Variants in XG observed in about 807,000 individuals in gnomAD.
XG encodes the protein Xg glycoprotein (Xg blood group).
In XG, 24 loss-of-function variants were observed where a neutral mutation model predicts 25.7. The ratio of observed to expected loss-of-function variants is 0.93; its 90% CI spans 0.68 to 1.31. XG has a LOEUF of 1.31. XG is among the 40% of genes most tolerant of loss of function. The pLI is 0.00. For missense variants in XG, 181 were observed against 187.6 expected (o/e 0.96, Z 0.21); for synonymous variants, 77 against 69.2 (o/e 1.11, Z -0.56).
At chrX:2,769,019 G>T (rs931977292) in intron 1 of XG, among the ~76,000 whole-genome samples, 27 of 152,174 alleles carry the variant, frequency 1.8e-4, no homozygotes, top group African/African-American at 6.3e-4. Flanking sequence ...TGCACCCTGG[G>T]CTCAGAGTTC....
intron 6 of XG, among the ~76,000 whole-genome samples, chrX:2,795,657 GTATT>G (rs1569042636): frequency 1.9e-5 from 2 of 107,977 alleles, no homozygotes; most frequent in Admixed American, 2.0e-4. Flanking sequence ...CATATCTTTT[GTATT>G]TATTTATTTT....
intron 3 of XG, among the ~76,000 whole-genome samples, chrX:2,776,340 C>T (rs2050989517): frequency 6.6e-6 from 1 of 152,176 alleles, no homozygotes; most frequent in African/African-American, 2.4e-5. Context: ...GGAAAGTAAA[C>T]AGTTCCAGGT....
chrX:2,788,177 T>C (rs779788203), intron 4 of XG, among the ~76,000 whole-genome samples: 1 of 112,481 alleles, frequency 8.9e-6, no homozygotes, highest in African/African-American at 3.2e-5. Flanking sequence ...GAGACGTCTG[T>C]CCTGAGGAAG....
Position 2,752,306 on chromosome X carries a change from C to G in XG, c.32C>G (p.Ala11Gly). 1.2e-6 allele frequency: 2 copies of G among 1,613,712 alleles called. No individual in the cohort carries two copies. The highest frequency in any genetic ancestry group is 8.5e-7 in the Non-Finnish European group (1 of 1,179,834). ...AGCTGGTGGGGACTTCCCTGTCTTG[C>G]GTTCCTGTGTTTTCTAATGCACGCC... is the stretch of plus-strand genomic sequence containing the variant. MESWWGLPCL[A>G]FLCFLMHARG... Residue 11 changes from alanine (A) to glycine (G), a missense_variant, in exon 1 of 11, where the codon GCG becomes GGG. By Grantham distance (60) the Ala-to-Gly change is moderately conservative. Coordinates refer to ENST00000644266, the MANE Select transcript of XG (RefSeq NM_001141919.2).
At chrX:2,768,256 A>G (rs1420401492) in intron 1 of XG, among the ~76,000 whole-genome samples, 5 of 152,202 alleles carry the variant, frequency 3.3e-5, no homozygotes, top group African/African-American at 1.2e-4. Context: ...GGGCGGAGAC[A>G]TAACACAGTG....
intron 3 of XG, 118 bp downstream of exon 3, chrX:2,774,857 G>A (rs2050940631): frequency 1.5e-6 from 2 of 1,316,394 alleles, no homozygotes; most frequent in East Asian, 4.6e-5. Flanking sequence ...TGCAACAACT[G>A]TACCAGATAG....
chrX:2,759,049 CGTCT>C (rs2050501873), intron 1 of XG, among the ~76,000 whole-genome samples: 4 of 125,010 alleles, frequency 3.2e-5, no homozygotes, highest in East Asian at 2.2e-4. Context: ...TCTATCCATC[CGTCT>C]ATCAATCTAT....
At chrX:2,790,358 G>A (rs767003180) in intron 5 of XG, among the ~76,000 whole-genome samples, 14 of 109,887 alleles carry the variant, frequency 1.3e-4, no homozygotes, top group African/African-American at 4.3e-4. Context: ...AAAATTCGCC[G>A]GGCGTGGTGG....
intron 7 of XG, among the ~76,000 whole-genome samples, 154 bp downstream of exon 7, chrX:2,797,514 G>A (rs764487535): frequency 2.8e-5 from 3 of 108,968 alleles, no homozygotes; most frequent in South Asian, 4.0e-4. Flanking sequence ...GAACCTGTCT[G>A]TGCTGGGCTG....
Position 2,782,086 on chromosome X carries a change from C to T in XG, c.148C>T (p.Pro50Ser), listed in dbSNP as rs1330450342. 2.5e-6 allele frequency: 3 copies of T among 1,210,079 alleles called. No individual in the cohort carries two copies. The highest frequency in any genetic ancestry group is 3.4e-6 in the Non-Finnish European group (3 of 895,214). ...CACAGATATCTACCCAAAGCCAAAA[C>T]CACCTTACTACCCACAGCCCGAGAA... is the stretch of plus-strand genomic sequence containing the variant. Reference protein sequence around the residue: ...PNSDIYPKPKPPYYPQPENPD... With the variant: ...PNSDIYPKPKSPYYPQPENPD... The change falls in exon 4 of 11, where the codon CCA becomes TCA. Residue 50 changes from proline to serine, a missense_variant. Pro to Ser is a moderately conservative substitution (Grantham distance 74). Coordinates refer to ENST00000644266, the MANE Select transcript of XG (RefSeq NM_001141919.2).
intron 1 of XG, among the ~76,000 whole-genome samples, chrX:2,760,854 CAG>C (rs1411693132): frequency 6.6e-6 from 1 of 151,124 alleles, no homozygotes; most frequent in Non-Finnish European, 1.5e-5. Flanking sequence ...GACATGCACA[CAG>C]GGACGATCCT....
intron 1 of XG, chrX:2,752,944 G>A (rs2124383925): frequency 1.0e-6 from 1 of 985,374 alleles, no homozygotes; most frequent in Non-Finnish European, 1.2e-6. Flanking sequence ...TCCGTACGAG[G>A]ACCTCTTTAA....
chrX:2,758,048 C>T (rs1303695410), intron 1 of XG, among the ~76,000 whole-genome samples: 2 of 151,172 alleles, frequency 1.3e-5, no homozygotes, highest in African/African-American at 2.4e-5. Context: ...ACCACGCCAG[C>T]GTACAGAACC....
intron 10 of XG, among the ~76,000 whole-genome samples, 198 bp from the exon 11 acceptor site, chrX:2,814,166 A>G (rs3736202): frequency 0.046 from 5,148 of 111,411 alleles, 251 homozygotes; most frequent in African/African-American, 0.14. Flanking sequence ...AAAGTATGAT[A>G]GACAAACATT....
intron 7 of XG, among the ~76,000 whole-genome samples, chrX:2,803,217 T>A (rs1425563443): frequency 9.0e-6 from 1 of 111,033 alleles, no homozygotes. Context: ...AGTGGTGCAA[T>A]CATAGCTCAC....
chrX:2,780,474 C>T (rs756704369), intron 3 of XG, among the ~76,000 whole-genome samples: 1 of 147,182 alleles, frequency 6.8e-6, no homozygotes, highest in African/African-American at 2.5e-5. Context: ...TCACACCTGT[C>T]ATCCCGGCAC....
intron 1 of XG, among the ~76,000 whole-genome samples, chrX:2,755,149 G>C (rs1262397969): frequency 6.6e-6 from 1 of 152,138 alleles, no homozygotes; most frequent in South Asian, 2.1e-4. Flanking sequence ...CCAAGACGGG[G>C]TTCTTGGATC....
chrX:2,771,614 C>A (rs1011061208), intron 2 of XG, among the ~76,000 whole-genome samples: 47 of 152,122 alleles, frequency 3.1e-4, no homozygotes, highest in African/African-American at 8.5e-4. Flanking sequence ...ACAATGGAAC[C>A]AAACATTTAT....
At chrX:2,760,960 C>A (rs560740722) in intron 1 of XG, among the ~76,000 whole-genome samples, 1 of 152,268 alleles carries the variant, frequency 6.6e-6, no homozygotes, top group Admixed American at 6.5e-5. Context: ...AGACTTCCAG[C>A]TTCCAGGCCT....
Sources: allele counts gnomAD v4.1 joint callset (sites outside exome capture counted in the v4.1 genomes callset), GRCh38; gene constraint gnomAD v4.1.1; transcripts MANE v1.5; gene names NCBI Gene and HGNC (gene_info 2026-07-23, HGNC 2026-07-21).